The following NXPE2 variants were observed in gnomAD, a reference collection of about 807,000 sequenced individuals.
The protein encoded by NXPE2 is NXPE family member 2.
In NXPE2, 34 loss-of-function variants were observed where a neutral mutation model predicts 34.4. The observed-to-expected ratio is 0.99, with a 90% CI of 0.75 to 1.31. The LOEUF is 1.31. Among genes scored for constraint, NXPE2 ranks in the 40% most tolerant of loss-of-function variants. NXPE2 has a pLI of 0.00. For synonymous variants in NXPE2, 235 were observed against 231.3 expected (o/e 1.02, Z -0.15); for missense variants, 649 against 672.5 (o/e 0.97, Z 0.39).
At chr11:114,765,255 C>CT in the NXPE2 span, among the ~76,000 whole-genome samples, 1 of 51,322 alleles carries the variant, frequency 1.9e-5, no homozygotes, top group African/African-American at 5.2e-5. Flanking sequence ...TACAGACATA[C>CT]TTTTTTTATG....
chr11:114,568,852 G>T, the NXPE2 span, among the ~76,000 whole-genome samples: 4 of 152,016 alleles, frequency 2.6e-5, no homozygotes, highest in Non-Finnish European at 5.9e-5. Flanking sequence ...ATAATTTTAT[G>T]TCTTTTTTGT....
At chr11:114,637,721 G>A in the NXPE2 span, among the ~76,000 whole-genome samples, 1 of 151,176 alleles carries the variant, frequency 6.6e-6, no homozygotes, top group East Asian at 1.9e-4. Context: ...CTTCACTTAT[G>A]AAGCTTAGTT....
the NXPE2 span, among the ~76,000 whole-genome samples, chr11:114,545,276 C>A: frequency 6.6e-6 from 1 of 152,192 alleles, no homozygotes; most frequent in Non-Finnish European, 1.5e-5. Flanking sequence ...ATGTTTATAG[C>A]AGCTTTGATC....
intron 3 of NXPE2, among the ~76,000 whole-genome samples, chr11:114,703,285 CAGGT>C (rs1306683591): frequency 1.3e-5 from 2 of 152,100 alleles, no homozygotes; most frequent in Non-Finnish European, 2.9e-5. Flanking sequence ...GGGAATAAAA[CAGGT>C]AGCATAGGGT....
At chr11:114,770,406 C>T in the NXPE2 span, among the ~76,000 whole-genome samples, 1 of 152,192 alleles carries the variant, frequency 6.6e-6, no homozygotes, top group South Asian at 2.1e-4. Flanking sequence ...CACATGATTG[C>T]GTGAGTGTGC....
At chr11:114,504,344 G>A in the NXPE2 span, among the ~76,000 whole-genome samples, 332 of 152,238 alleles carry the variant, frequency 2.2e-3, 1 homozygote, top group African/African-American at 7.5e-3. Context: ...ATGGGGCACA[G>A]AGAAGGCATC....
At chr11:114,512,346 T>C in the NXPE2 span, among the ~76,000 whole-genome samples, 2 of 152,178 alleles carry the variant, frequency 1.3e-5, no homozygotes, top group African/African-American at 2.4e-5. Context: ...CCCAGCCATG[T>C]TGTCTTCTGT....
the NXPE2 span, among the ~76,000 whole-genome samples, chr11:114,747,373 T>C: frequency 6.6e-6 from 1 of 152,200 alleles, no homozygotes. Flanking sequence ...AGAAGAGTAT[T>C]TGGACTTTTC....
the NXPE2 span, among the ~76,000 whole-genome samples, chr11:114,720,350 C>G: frequency 3.9e-5 from 6 of 152,242 alleles, no homozygotes; most frequent in African/African-American, 1.4e-4. Context: ...CAAGCCCCAG[C>G]CTTCTGAATC....
the NXPE2 span, chr11:114,583,536 A>G: frequency 1.6e-6 from 1 of 607,136 alleles, no homozygotes; most frequent in Non-Finnish European, 3.2e-6. Flanking sequence ...CAGAGATTCA[A>G]CGTTAGTGAG....
At chr11:114,527,875 TTCA>T in the NXPE2 span, 4 of 1,605,092 alleles carry the variant, frequency 2.5e-6, no homozygotes, top group Non-Finnish European at 3.4e-6. Flanking sequence ...TTTACGATCC[TTCA>T]TCATTTCAAC....
the NXPE2 span, among the ~76,000 whole-genome samples, chr11:114,604,273 C>T: frequency 1.3e-5 from 2 of 150,428 alleles, no homozygotes; most frequent in Non-Finnish European, 1.5e-5. Context: ...GTGTTACCTG[C>T]TAGATAATAA....
the NXPE2 span, among the ~76,000 whole-genome samples, chr11:114,572,128 G>C: frequency 1.3e-5 from 2 of 152,106 alleles, no homozygotes; most frequent in Non-Finnish European, 2.9e-5. Flanking sequence ...TAGCTCCACT[G>C]GGTTGCGAGA....
At chr11:114,725,672 C>A in the NXPE2 span, among the ~76,000 whole-genome samples, 2 of 151,998 alleles carry the variant, frequency 1.3e-5, no homozygotes, top group African/African-American at 4.8e-5. Flanking sequence ...CTATAGCCTT[C>A]TTGTCAGTCT....
the NXPE2 span, among the ~76,000 whole-genome samples, chr11:114,722,476 G>T: frequency 6.6e-6 from 1 of 151,838 alleles, no homozygotes; most frequent in Admixed American, 6.6e-5. Flanking sequence ...ACGTGAAAAT[G>T]AACTAATACA....
the NXPE2 span, among the ~76,000 whole-genome samples, chr11:114,732,149 A>G: frequency 2.2e-3 from 331 of 152,358 alleles, no homozygotes; most frequent in African/African-American, 7.6e-3. Context: ...ATTAATGTAT[A>G]TTATTAAATG....
chr11:114,716,370 T>G, the NXPE2 span, among the ~76,000 whole-genome samples: 2 of 152,182 alleles, frequency 1.3e-5, no homozygotes, highest in African/African-American at 4.8e-5. Context: ...TGGAGATCAC[T>G]CCATTTTCTG....
At chr11:114,812,875 A>G in the NXPE2 span, among the ~76,000 whole-genome samples, 2 of 152,068 alleles carry the variant, frequency 1.3e-5, no homozygotes, top group Admixed American at 6.5e-5. Flanking sequence ...GTACTGTGTT[A>G]TTTCCATAAA....
chr11:114,638,367 A>G, the NXPE2 span, among the ~76,000 whole-genome samples: 1 of 151,778 alleles, frequency 6.6e-6, no homozygotes, highest in African/African-American at 2.4e-5. Context: ...CCATTCGTCT[A>G]AATTTTTTTT....
Sources: gnomAD v4.1 joint callset for allele counts (sites outside exome capture counted in the v4.1 genomes callset) on GRCh38, gnomAD v4.1.1 for gene constraint, MANE v1.5 for transcripts, NCBI Gene and HGNC (gene_info 2026-07-23, HGNC 2026-07-21) for gene names.